The following RBFOX1 variants were observed in gnomAD, a reference collection of about 807,000 sequenced individuals.
RBFOX1 encodes RNA binding protein fox-1 homolog 1.
In RBFOX1, 8 loss-of-function variants were observed where a neutral mutation model predicts 57.7. The ratio of observed to expected loss-of-function variants is 0.14; its 90% CI spans 0.08 to 0.25. The LOEUF is 0.25. Among genes scored for constraint, RBFOX1 ranks in the 10% least tolerant of loss-of-function variants. RBFOX1 has a pLI of 1.00. For missense variants in RBFOX1, 611 were observed against 548.5 expected (o/e 1.11, Z -1.14); for synonymous variants, 326 against 222.4 (o/e 1.47, Z -4.15).
intron 3 of RBFOX1, among the ~76,000 whole-genome samples, chr16:5,655,490 G>C (rs1462844913): frequency 6.6e-6 from 1 of 152,222 alleles, no homozygotes; most frequent in Non-Finnish European, 1.5e-5. Flanking sequence ...GAACACTGAA[G>C]ATGGGGTGTG....
intron 2 of RBFOX1, among the ~76,000 whole-genome samples, chr16:6,347,030 T>C (rs2085492054): frequency 6.6e-6 from 1 of 152,156 alleles, no homozygotes; most frequent in Non-Finnish European, 1.5e-5. Flanking sequence ...TATTATAGTT[T>C]AGAATAGATG....
intron 3 of RBFOX1, among the ~76,000 whole-genome samples, chr16:5,630,861 T>G (rs756424350): frequency 2.6e-5 from 4 of 152,234 alleles, no homozygotes; most frequent in Non-Finnish European, 5.9e-5. Context: ...GAACTTTACA[T>G]GTTTTAGTTT....
At chr16:5,309,350 T>C (rs1354404580) in intron 1 of RBFOX1, among the ~76,000 whole-genome samples, 2 of 152,176 alleles carry the variant, frequency 1.3e-5, no homozygotes, top group Admixed American at 6.5e-5. Flanking sequence ...ACAGTTCTCA[T>C]AGATGAAGTA....
chr16:7,573,482 C>G (rs2093001840), intron 5 of RBFOX1, among the ~76,000 whole-genome samples: 1 of 152,140 alleles, frequency 6.6e-6, no homozygotes, highest in African/African-American at 2.4e-5. Flanking sequence ...TATGTCCTAC[C>G]TTCTGATCTC....
At chr16:7,447,331 G>T (rs2098816702) in intron 4 of RBFOX1, among the ~76,000 whole-genome samples, 1 of 151,384 alleles carries the variant, frequency 6.6e-6, no homozygotes, top group South Asian at 2.1e-4. Flanking sequence ...TACTTGGGAG[G>T]CTGAGGCAGA....
intron 4 of RBFOX1, among the ~76,000 whole-genome samples, chr16:7,254,947 T>C (rs891765361): frequency 4.6e-5 from 7 of 152,192 alleles, no homozygotes; most frequent in Non-Finnish European, 1.5e-5. Context: ...CACTCATTAA[T>C]GGCTCAACCG....
intron 1 of RBFOX1, among the ~76,000 whole-genome samples, chr16:5,417,406 C>T (rs1196389629): frequency 2.6e-5 from 4 of 152,162 alleles, no homozygotes; most frequent in Non-Finnish European, 5.9e-5. Context: ...ATTTCTTCCA[C>T]CGAGGGAGTA....
At chr16:7,685,745 C>G (rs890493382) in intron 14 of RBFOX1, among the ~76,000 whole-genome samples, 6 of 152,054 alleles carry the variant, frequency 3.9e-5, no homozygotes, top group East Asian at 3.9e-4. Flanking sequence ...TAGGCAATCT[C>G]TAAGACACAC....
intron 4 of RBFOX1, among the ~76,000 whole-genome samples, chr16:7,099,327 A>G (rs1443260441): frequency 6.6e-6 from 1 of 151,968 alleles, no homozygotes. Context: ...GCTGGTGTAA[A>G]CTCATTTTGT....
At position 6,292,713 on chromosome 16, in the gene RBFOX1, A is replaced by G. The variant is rs374007667; in HGVS notation, c.-126-24282A>G. Among the ~76,000 whole-genome samples, 229 of 152,312 alleles carry G rather than the reference A, an allele frequency of 1.5e-3. 4 individuals carry two copies. In the South Asian group the frequency reaches 0.045, roughly 30 times the overall value. Reference sequence around the variant, plus strand: ...TGCACACATTGTCAAAAAGTCATTGAACTATCTATTGCTGGTGACTGCACA... The same window carrying G: ...TGCACACATTGTCAAAAAGTCATTGGACTATCTATTGCTGGTGACTGCACA... On this transcript the variant is annotated intron_variant, in intron 1 of 15. Coordinates refer to ENST00000550418, the MANE Select transcript of RBFOX1 (RefSeq NM_018723.4).
intron 4 of RBFOX1, among the ~76,000 whole-genome samples, chr16:7,368,518 C>G (rs1168618582): frequency 5.3e-5 from 8 of 151,984 alleles, no homozygotes; most frequent in Admixed American, 5.2e-4. Flanking sequence ...GTGGCTCACA[C>G]CTGTAATCCC....
intron 2 of RBFOX1, among the ~76,000 whole-genome samples, chr16:6,627,346 C>G (rs919304990): frequency 6.6e-6 from 1 of 152,106 alleles, no homozygotes; most frequent in Middle Eastern, 3.4e-3. Context: ...TTAGGACATA[C>G]GGATCAAAAG....
intron 3 of RBFOX1, among the ~76,000 whole-genome samples, chr16:5,642,090 C>T (rs1412966456): frequency 6.6e-6 from 1 of 152,118 alleles, no homozygotes; most frequent in Admixed American, 6.5e-5. Context: ...GGGAAAGTCA[C>T]TGAGGATCTC....
chr16:6,328,244 T>G (rs970869011), intron 2 of RBFOX1, among the ~76,000 whole-genome samples: 1 of 151,916 alleles, frequency 6.6e-6, no homozygotes, highest in African/African-American at 2.4e-5. Flanking sequence ...TGCAAAGGCA[T>G]AAGAATGATG....
At chr16:5,803,428 C>T (rs576711475) in intron 3 of RBFOX1, among the ~76,000 whole-genome samples, 69 of 152,248 alleles carry the variant, frequency 4.5e-4, no homozygotes, top group African/African-American at 1.4e-3. Context: ...TGACCAGATC[C>T]GGGATCTTTA....
intron 2 of RBFOX1, among the ~76,000 whole-genome samples, chr16:6,349,544 T>C (rs2085937642): frequency 1.3e-5 from 2 of 152,234 alleles, no homozygotes; most frequent in East Asian, 1.9e-4. Flanking sequence ...TTGACCTATG[T>C]CATTAGTGGT....
chr16:7,645,275 G>C (rs1377249253), intron 11 of RBFOX1, among the ~76,000 whole-genome samples: 3 of 152,140 alleles, frequency 2.0e-5, no homozygotes. Context: ...TGTTTTGTGA[G>C]TAACTACCAC....
rs1597832586 is a variant in RBFOX1, at chr16:7,414,024, A to T, written c.28-104123A>T. On this transcript the variant is annotated intron_variant, in intron 4 of 15. Transcript: ENST00000550418. ...CTCCTGCAGAGATGTGGAGGTGCAG[A>T]GTCCTGACCCTGCCTCCAAAGACTC... 2.0e-5 allele frequency among the ~76,000 whole-genome samples: 3 copies of T among 152,230 alleles called. No individual in the cohort carries two copies. In the East Asian group the frequency reaches 5.8e-4, roughly 29 times the overall value.
chr16:7,342,136 A>G (rs2096909866), intron 4 of RBFOX1, among the ~76,000 whole-genome samples: 1 of 152,094 alleles, frequency 6.6e-6, no homozygotes, highest in African/African-American at 2.4e-5. Flanking sequence ...CAACAAGGAA[A>G]CCTGAGTCTG....
Sources: allele counts gnomAD v4.1 joint callset (sites outside exome capture counted in the v4.1 genomes callset), GRCh38; gene constraint gnomAD v4.1.1; transcripts MANE v1.5; gene names NCBI Gene and HGNC (gene_info 2026-07-23, HGNC 2026-07-21).